The following PLCB4 variants were observed in gnomAD, a reference collection of about 807,000 sequenced individuals.
The protein encoded by PLCB4 is phospholipase C beta 4, also known as 1-phosphatidylinositol 4,5-bisphosphate phosphodiesterase beta-4.
A neutral mutation model predicts 178.8 loss-of-function variants in PLCB4; 77 were observed. The observed-to-expected ratio is 0.43, with a 90% CI of 0.36 to 0.52. The LOEUF is 0.52. Among genes scored for constraint, PLCB4 ranks in the 20% least tolerant of loss-of-function variants. The probability of loss-of-function intolerance (pLI) is 0.00; values close to 1 mark genes in which losing one functional copy is unlikely to be tolerated. For synonymous variants in PLCB4, 496 were observed against 490.8 expected (o/e 1.01, Z -0.14); for missense variants, 1,024 against 1,453.4 (o/e 0.70, Z 4.80).
intron 1 of PLCB4, among the ~76,000 whole-genome samples, chr20:9,070,637 C>T (rs1055226245): frequency 2.6e-5 from 4 of 152,142 alleles, no homozygotes; most frequent in Non-Finnish European, 4.4e-5. Flanking sequence ...TGGAGAGCAC[C>T]TGTTTTCATA....
chr20:9,371,177 A>G (rs1471609015), intron 9 of PLCB4, 37 bp from the exon 10 acceptor site: 1 of 1,271,638 alleles, frequency 7.9e-7, no homozygotes, highest in Non-Finnish European at 1.2e-6. Context: ...ATAATGAACA[A>G]TAACTGGAAT....
intron 2 of PLCB4, among the ~76,000 whole-genome samples, chr20:9,119,147 C>G (rs1359398219): frequency 3.3e-5 from 5 of 152,084 alleles, no homozygotes; most frequent in African/African-American, 1.2e-4. Flanking sequence ...TAGCATTTTG[C>G]TAAATGCTAA....
Position 9,197,294 on chromosome 20 carries a change from G to C in PLCB4, c.-78-20096G>C, listed in dbSNP as rs752713286. Among the ~76,000 whole-genome samples the C allele has an allele frequency of 2.0e-5, 3 of 152,092 alleles. No individual in the cohort carries two copies. The South Asian group carries it at 6.2e-4, about 31-fold the overall frequency. ...TTCCACAGATTCTTTCCTAGGACCT[G>C]TGCTGTCCAATATGGGCACCACTTG... is the stretch of plus-strand genomic sequence containing the variant. On this transcript the variant is annotated intron_variant, in intron 2 of 39. Coordinates refer to ENST00000378473, the MANE Select transcript of PLCB4 (RefSeq NM_001377142.1).
chr20:9,197,208 G>A (rs2093482850), intron 2 of PLCB4, among the ~76,000 whole-genome samples: 1 of 152,136 alleles, frequency 6.6e-6, no homozygotes, highest in African/African-American at 2.4e-5. Context: ...CTGATCACCT[G>A]GTTGTAACAG....
chr20:9,311,204 G>T (rs542084379), intron 4 of PLCB4, among the ~76,000 whole-genome samples: 2 of 152,202 alleles, frequency 1.3e-5, no homozygotes, highest in Admixed American at 1.3e-4. Flanking sequence ...GTCTTTCCTA[G>T]AATTCCTAGG....
In PLCB4 at chr20:9,188,318, C is replaced by T. The variant is rs1457170291; in HGVS notation, c.-78-29072C>T. Reference sequence around the variant, plus strand: ...GTAACAATGGGAAGAACATTATAGGCGGATGGAACAATGGCACTGTGTGGG... The same window carrying T: ...GTAACAATGGGAAGAACATTATAGGTGGATGGAACAATGGCACTGTGTGGG... On this transcript the variant is annotated intron_variant, in intron 2 of 39. Coordinates refer to ENST00000378473, the MANE Select transcript of PLCB4 (RefSeq NM_001377142.1). 3.9e-5 allele frequency among the ~76,000 whole-genome samples: 6 copies of T among 152,148 alleles called. No individual in the cohort carries two copies. In the South Asian group the frequency reaches 8.3e-4, roughly 21 times the overall value.
intron 2 of PLCB4, among the ~76,000 whole-genome samples, chr20:9,179,402 G>C (rs1600933749): frequency 6.6e-6 from 1 of 152,102 alleles, no homozygotes; most frequent in Non-Finnish European, 1.5e-5. Flanking sequence ...AGGAATGTGG[G>C]TGGCTTCTAG....
At chr20:9,216,476 C>G (rs2093734248) in intron 2 of PLCB4, among the ~76,000 whole-genome samples, 1 of 152,010 alleles carries the variant, frequency 6.6e-6, no homozygotes, top group East Asian at 1.9e-4. Flanking sequence ...CTCGGCCTCC[C>G]AAAGTGCTGG....
At position 9,405,299 on chromosome 20, in the gene PLCB4, C is replaced by A; in HGVS notation, c.1612-14C>A. 2 of 1,492,252 alleles carry A rather than the reference C, an allele frequency of 1.3e-6. No individual in the cohort carries two copies. The highest frequency in any genetic ancestry group is 1.8e-6 in the Non-Finnish European group (2 of 1,095,074). The allele number at this position is 1,492,252 out of a possible 1,614,324, so 92.4% of individuals were successfully genotyped here. On this transcript the variant is annotated splice_polypyrimidine_tract_variant and intron_variant, in intron 20 of 39. Coordinates refer to ENST00000378473, the MANE Select transcript of PLCB4 (RefSeq NM_001377142.1). ...TTTAGAGAAGTAAACAAATTATTTC[C>A]TTTCTCTAATTAGGCTTCAGATGAC...
At chr20:9,441,336 T>A (rs1175029870) in intron 30 of PLCB4, among the ~76,000 whole-genome samples, 2 of 151,528 alleles carry the variant, frequency 1.3e-5, no homozygotes, top group Admixed American at 6.6e-5. Context: ...TGGATTGGGG[T>A]GGGGTGGGGA....
intron 6 of PLCB4, among the ~76,000 whole-genome samples, 199 bp from the exon 7 acceptor site, chr20:9,338,695 T>G (rs2032810875): frequency 6.6e-6 from 1 of 152,066 alleles, no homozygotes; most frequent in African/African-American, 2.4e-5. Flanking sequence ...ACCAAAAAAT[T>G]TGTAATACCT....
At chr20:9,154,952 CTTCCTTCCTTCCTTCT>C (rs2092761660) in intron 2 of PLCB4, among the ~76,000 whole-genome samples, 2 of 135,512 alleles carry the variant, frequency 1.5e-5, no homozygotes, top group African/African-American at 2.8e-5. Context: ...TCCTTCCTTC[CTTCCTTCCTTCCTTCT>C]GCTTTTGGGG....
At chr20:9,460,071 C>T (rs1300522082) in intron 35 of PLCB4, among the ~76,000 whole-genome samples, 3 of 152,068 alleles carry the variant, frequency 2.0e-5, no homozygotes, top group African/African-American at 4.8e-5. Flanking sequence ...CCCAGGACTT[C>T]AAGACATAGC....
intron 3 of PLCB4, among the ~76,000 whole-genome samples, chr20:9,237,251 T>C (rs968983618): frequency 9.2e-5 from 14 of 152,154 alleles, no homozygotes; most frequent in Admixed American, 5.9e-4. Context: ...TGTGTGTGCA[T>C]ACGTATGTTT....
chr20:9,298,638 T>G (rs1021353874), intron 3 of PLCB4, among the ~76,000 whole-genome samples: 1 of 152,098 alleles, frequency 6.6e-6, no homozygotes, highest in Non-Finnish European at 1.5e-5. Context: ...TTTAGACATG[T>G]TTTTTAAAAT....
At chr20:9,395,985 T>C (rs575354626) in intron 19 of PLCB4, among the ~76,000 whole-genome samples, 34 of 152,292 alleles carry the variant, frequency 2.2e-4, no homozygotes, top group African/African-American at 8.2e-4. Flanking sequence ...CAAAAATAAA[T>C]GAGTAAGAAA....
At position 9,401,742 on chromosome 20, in the gene PLCB4, G is replaced by T. The variant is rs2039044585; in HGVS notation, c.1611+152G>T. ...AGTCTGTGCTGGGTGACCAGAACTT[G>T]ACACATACACAATATTAAATTTAAA... On this transcript the variant is annotated intron_variant, in intron 20 of 39. Transcript: ENST00000378473. The T allele has an allele frequency of 5.3e-5, 32 of 607,268 alleles. No homozygotes were observed. The South Asian group carries it at 6.1e-4, about 12-fold the overall frequency. The allele number at this position is 607,268 out of a possible 1,614,324, so 37.6% of individuals were successfully genotyped here. A position where few individuals can be genotyped will look rare whatever the true frequency, so the allele number is the denominator to read the frequency against.
chr20:9,390,000 T>G, intron 16 of PLCB4, 42 bp downstream of exon 16: 1 of 1,055,772 alleles, frequency 9.5e-7, no homozygotes, highest in Middle Eastern at 2.0e-4. Flanking sequence ...TGTGGTATTG[T>G]TTCCTAACCC....
At chr20:9,213,863 A>G (rs1432092683) in intron 2 of PLCB4, among the ~76,000 whole-genome samples, 2 of 152,206 alleles carry the variant, frequency 1.3e-5, no homozygotes, top group Admixed American at 1.3e-4. Flanking sequence ...GTGGCTATGA[A>G]GCAGTATCTC....
Sources: allele counts gnomAD v4.1 joint callset (sites outside exome capture counted in the v4.1 genomes callset), GRCh38; gene constraint gnomAD v4.1.1; transcripts MANE v1.5; gene names NCBI Gene and HGNC (gene_info 2026-07-23, HGNC 2026-07-21).